PARD3B: variants seen among roughly 807,000 people sequenced by gnomAD.
PARD3B encodes par-3 family cell polarity regulator beta.
A neutral mutation model predicts 130.2 loss-of-function variants in PARD3B; 103 were observed. The observed-to-expected ratio is 0.79, with a 90% CI of 0.67 to 0.93. The LOEUF (loss-of-function observed/expected upper bound fraction) is 0.93, where lower values mean the gene tolerates loss of function less well. PARD3B is among the 40% of genes least tolerant of loss of function. The pLI is 0.00. For missense variants in PARD3B, 1,609 were observed against 1,499.2 expected, an observed-to-expected ratio of 1.07 and a Z score of -1.21; for synonymous variants, 583 against 553.2, an observed-to-expected ratio of 1.05 and a Z score of -0.76.
chr2:205,581,257 T>TAGATATAG (rs143823405), intron 22 of PARD3B, among the ~76,000 whole-genome samples: 5,038 of 120,826 alleles, frequency 0.042, 131 homozygotes, highest in Middle Eastern at 0.067. Context: ...TATAGATATA[T>TAGATATAG]ATAGATATAG....
At chr2:204,771,729 T>G (rs2041394853) in intron 2 of PARD3B, among the ~76,000 whole-genome samples, 1 of 152,148 alleles carries the variant, frequency 6.6e-6, no homozygotes, top group African/African-American at 2.4e-5. Flanking sequence ...TCCCATGTCT[T>G]TAAAAACACA....
intron 15 of PARD3B, among the ~76,000 whole-genome samples, chr2:205,228,470 G>A (rs1490275369): frequency 6.6e-6 from 1 of 152,052 alleles, no homozygotes; most frequent in Non-Finnish European, 1.5e-5. Context: ...GAAGTCTGCT[G>A]CAACACTTAC....
chr2:205,121,507 C>G lies in PARD3B; in HGVS notation c.807-84C>G. 3 of 1,202,018 alleles carry G rather than the reference C, an allele frequency of 2.5e-6. No homozygotes were observed. The highest frequency in any genetic ancestry group is 2.8e-5 in the South Asian group (2 of 71,370). The allele number at this position is 1,202,018 out of a possible 1,614,324, so 74.5% of individuals were successfully genotyped here. On this transcript the variant is annotated intron_variant, in intron 7 of 22. Coordinates refer to ENST00000406610, the MANE Select transcript of PARD3B (RefSeq NM_001302769.2). This position sits in a 1 kb window ranked among gnomAD's most constrained non-coding sequence, Gnocchi z 5.0. The stretch of plus-strand genomic sequence containing the variant: ...TCCTATGATTAGCCACTGTGCTGCT[C>G]TTGGTTGCCATCCTCCTGGGGTACT...
chr2:205,584,197 T>C lies in PARD3B; in HGVS notation c.3260+30794T>C, dbSNP rs976938857. On this transcript the variant is annotated intron_variant, in intron 22 of 22. Transcript: ENST00000406610. The surrounding 1 kb of genome is among the most constrained non-coding windows in gnomAD (Gnocchi z 5.5). Reference sequence around the variant, plus strand: ...ACATTTAAATGTGTCTGAATTATGATGTGCTTTAAATGTAAAATGCACACC... The same window carrying C: ...ACATTTAAATGTGTCTGAATTATGACGTGCTTTAAATGTAAAATGCACACC... 1.3e-5 allele frequency among the ~76,000 whole-genome samples: 2 copies of C among 152,216 alleles called. No homozygotes were observed. The highest frequency in any genetic ancestry group is 4.8e-5 in the African/African-American group (2 of 41,456).
intron 2 of PARD3B, among the ~76,000 whole-genome samples, chr2:204,848,133 T>C (rs1248063147): frequency 6.6e-6 from 1 of 152,220 alleles, no homozygotes; most frequent in African/African-American, 2.4e-5. Flanking sequence ...TAATCTCTTA[T>C]TCTGCCTAAA....
intron 18 of PARD3B, among the ~76,000 whole-genome samples, chr2:205,399,914 A>G (rs1574923967): frequency 6.6e-6 from 1 of 152,186 alleles, no homozygotes; most frequent in African/African-American, 2.4e-5. Context: ...AGGAAAGCGT[A>G]CAGGCAGAGA....
In PARD3B at chr2:205,292,309, A is replaced by C. The variant is rs2041637600; in HGVS notation, c.2186-8221A>C. Among the ~76,000 whole-genome samples, 1 of 152,146 alleles carries C rather than the reference A, an allele frequency of 6.6e-6. No homozygotes were observed. Among genetic ancestry groups the C allele is most frequent in the African/African-American group, 2.4e-5 (1 of 41,434 alleles). ...CTTGACCCTTCCACCATGTGAGGAC[A>C]CAATGAGAACACAGGCATCCATGGA... On this transcript the variant is annotated intron_variant, in intron 16 of 22. Coordinates refer to ENST00000406610, the MANE Select transcript of PARD3B (RefSeq NM_001302769.2). This position sits in a 1 kb window ranked among gnomAD's most constrained non-coding sequence, Gnocchi z 5.3.
At chr2:204,789,888 T>TTTG (rs2042140904) in intron 2 of PARD3B, among the ~76,000 whole-genome samples, 1 of 151,292 alleles carries the variant, frequency 6.6e-6, no homozygotes, top group African/African-American at 2.4e-5. Flanking sequence ...TTTTTTTTTT[T>TTTG]AAGACAGAGT....
intron 4 of PARD3B, among the ~76,000 whole-genome samples, chr2:205,066,686 C>T (rs1216373357): frequency 1.3e-5 from 2 of 152,100 alleles, no homozygotes; most frequent in African/African-American, 4.8e-5. Context: ...ATTTGGAAAT[C>T]AGTGATCTTA....
intron 4 of PARD3B, among the ~76,000 whole-genome samples, chr2:205,093,678 C>G (rs1211263940): frequency 6.6e-6 from 1 of 152,110 alleles, no homozygotes; most frequent in African/African-American, 2.4e-5. Context: ...CACTGCCTGC[C>G]TACTTGGAGC....
At chr2:204,655,899 A>C (rs541936345) in intron 1 of PARD3B, among the ~76,000 whole-genome samples, 10 of 152,134 alleles carry the variant, frequency 6.6e-5, no homozygotes, top group African/African-American at 2.2e-4. Context: ...GTCTCAGCTG[A>C]TCTTGTCTGG....
At chr2:205,236,301 GATAA>G (rs2039058947) in intron 15 of PARD3B, among the ~76,000 whole-genome samples, 1 of 152,076 alleles carries the variant, frequency 6.6e-6, no homozygotes, top group Admixed American at 6.6e-5. Context: ...CATTCTTCCA[GATAA>G]ATAAAGAGGA....
In PARD3B at chr2:205,533,098, T is replaced by C. The variant is rs1385626760; in HGVS notation, c.3181-20226T>C. On this transcript the variant is annotated intron_variant, in intron 21 of 22. Transcript: ENST00000406610. Reference sequence around the variant, plus strand: ...ATAACACAAAATCACTGTTTCAACTTTCATTGCAAAGAAAAGAAAGCAAAA... The same window carrying C: ...ATAACACAAAATCACTGTTTCAACTCTCATTGCAAAGAAAAGAAAGCAAAA... 3.9e-5 allele frequency among the ~76,000 whole-genome samples: 6 copies of C among 152,182 alleles called. No homozygotes were observed. The East Asian group carries it at 9.6e-4, about 24-fold the overall frequency.
chr2:205,133,497 A>G (rs1204244919), intron 10 of PARD3B, among the ~76,000 whole-genome samples: 1 of 152,160 alleles, frequency 6.6e-6, no homozygotes, highest in Admixed American at 6.5e-5. Context: ...CTTCCAGATA[A>G]TTCTGGTGCT....
intron 3 of PARD3B, among the ~76,000 whole-genome samples, chr2:205,038,406 TTGAGACCTAGTGCATATC>T (rs1428573269): frequency 3.9e-5 from 6 of 152,198 alleles, no homozygotes; most frequent in African/African-American, 1.4e-4. Context: ...TCCTTAACCC[TTGAGACCTAGTGCATATC>T]TGAGACCTGG....
intron 10 of PARD3B, among the ~76,000 whole-genome samples, chr2:205,137,059 A>G (rs1559475111): frequency 6.6e-6 from 1 of 152,234 alleles, no homozygotes; most frequent in Admixed American, 6.5e-5. Flanking sequence ...TAGAGAAACA[A>G]TATAAGAATA....
chr2:204,941,587 T>C (rs889697787), intron 2 of PARD3B, among the ~76,000 whole-genome samples: 2 of 152,312 alleles, frequency 1.3e-5, no homozygotes, highest in Admixed American at 1.3e-4. Flanking sequence ...AAAGTTAAAC[T>C]CATTATAAAT....
At chr2:205,373,426 G>T (rs543143391) in intron 18 of PARD3B, among the ~76,000 whole-genome samples, 7 of 152,220 alleles carry the variant, frequency 4.6e-5, no homozygotes, top group African/African-American at 1.7e-4. Context: ...TGGATTATGG[G>T]TTTTTTTCTG....
At chr2:204,706,602 A>T (rs1040098663) in intron 2 of PARD3B, among the ~76,000 whole-genome samples, 2 of 152,140 alleles carry the variant, frequency 1.3e-5, no homozygotes, top group Admixed American at 1.3e-4. Context: ...GTTGGACATG[A>T]GGAAAGATTT....
Sources: gnomAD v4.1 joint callset for allele counts (sites outside exome capture counted in the v4.1 genomes callset) on GRCh38, gnomAD v4.1.1 for gene constraint, Gnocchi (gnomAD v3.1) non-coding constraint, MANE v1.5 for transcripts, NCBI Gene and HGNC (gene_info 2026-07-23, HGNC 2026-07-21) for gene names.